The following PTPRN2 variants were observed in gnomAD, a reference collection of about 807,000 sequenced individuals.
PTPRN2 encodes receptor-type tyrosine-protein phosphatase N2.
Under a neutral mutation model 118.8 loss-of-function variants are expected in PTPRN2, and 74 were observed. The ratio of observed to expected loss-of-function variants is 0.62; its 90% confidence interval spans 0.52 to 0.76. The LOEUF (loss-of-function observed/expected upper bound fraction) is 0.76, where lower values mean the gene tolerates loss of function less well. PTPRN2 is among the 30% of genes least tolerant of loss of function. The probability of loss-of-function intolerance (pLI) is 0.00; values close to 1 mark genes in which losing one functional copy is unlikely to be tolerated. For synonymous variants in PTPRN2, 641 were observed against 608.0 expected (o/e 1.05, Z -0.80); for missense variants, 1,481 against 1,394.4 (o/e 1.06, Z -0.99).
chr7:158,169,176 C>A, intron 5 of PTPRN2, among the ~76,000 whole-genome samples: 1 of 152,302 alleles, frequency 6.6e-6, no homozygotes, highest in East Asian at 1.9e-4. Context: ...GGTTCATCCT[C>A]TGAGTTAGAT....
chr7:158,335,907 T>C (rs113044196), intron 2 of PTPRN2, among the ~76,000 whole-genome samples: 1 of 4,152 alleles, frequency 2.4e-4, no homozygotes, highest in Non-Finnish European at 4.1e-4. Flanking sequence ...CACCTGCAAA[T>C]GTCACTCACA....
chr7:158,136,195 T>C (rs1818794957), intron 8 of PTPRN2, among the ~76,000 whole-genome samples: 1 of 152,198 alleles, frequency 6.6e-6, no homozygotes, highest in Non-Finnish European at 1.5e-5. Flanking sequence ...GCACTGCATC[T>C]TTCATTTATT....
intron 2 of PTPRN2, among the ~76,000 whole-genome samples, chr7:158,459,532 C>T (rs996542054): frequency 5.9e-5 from 9 of 152,152 alleles, no homozygotes; most frequent in Non-Finnish European, 1.3e-4. Context: ...AACCCATGCA[C>T]GCCTCAGTCC....
chr7:157,749,294 C>T (rs1405494289), intron 12 of PTPRN2, among the ~76,000 whole-genome samples: 4 of 145,784 alleles, frequency 2.7e-5, no homozygotes, highest in Non-Finnish European at 6.0e-5. Context: ...GATTCTGAGG[C>T]CTGCGTCCCT....
chr7:158,475,838 C>T (rs945259989), intron 2 of PTPRN2, among the ~76,000 whole-genome samples: 27 of 152,166 alleles, frequency 1.8e-4, no homozygotes, highest in African/African-American at 4.1e-4. Flanking sequence ...GGCAGTCTCA[C>T]GGGGAAGAAG....
intron 12 of PTPRN2, among the ~76,000 whole-genome samples, chr7:157,795,169 G>A (rs1804790033): frequency 8.0e-6 from 1 of 125,280 alleles, no homozygotes; most frequent in African/African-American, 4.3e-5. Context: ...GTCGGGGGCG[G>A]GGGGGGCTCA....
intron 6 of PTPRN2, among the ~76,000 whole-genome samples, chr7:158,162,812 C>A (rs898034794): frequency 6.6e-6 from 1 of 152,116 alleles, no homozygotes; most frequent in African/African-American, 2.4e-5. Flanking sequence ...GCGTTCAGCC[C>A]GCAGCCTCGT....
chr7:157,569,022 A>T, intron 20 of PTPRN2, 56 bp from the exon 21 acceptor site: 4 of 1,471,970 alleles, frequency 2.7e-6, no homozygotes, highest in Non-Finnish European at 3.8e-6. Context: ...AGCCCGACCC[A>T]CAACAAAGCT....
chr7:157,628,101 T>C (rs1276267607), intron 14 of PTPRN2, among the ~76,000 whole-genome samples: 3 of 152,230 alleles, frequency 2.0e-5, no homozygotes, highest in Non-Finnish European at 4.4e-5. Context: ...GACTGGGTGC[T>C]GCTAGACGGG....
chr7:157,791,703 C>CA (rs1181842479), intron 12 of PTPRN2, among the ~76,000 whole-genome samples: 1 of 152,190 alleles, frequency 6.6e-6, no homozygotes, highest in East Asian at 1.9e-4. Flanking sequence ...CACTTGGCAA[C>CA]AAAAAAAGTT....
intron 14 of PTPRN2, among the ~76,000 whole-genome samples, chr7:157,636,489 T>A (rs1018770536): frequency 9.9e-5 from 15 of 152,264 alleles, no homozygotes; most frequent in Non-Finnish European, 1.5e-5. Context: ...ACAAGTCTAA[T>A]GAAAAATTAA....
chr7:158,216,495 T>C (rs932106976), intron 3 of PTPRN2, among the ~76,000 whole-genome samples: 2 of 151,986 alleles, frequency 1.3e-5, no homozygotes, highest in Admixed American at 6.5e-5. Context: ...TGATATAGGA[T>C]GGTTGAAAGT....
At chr7:157,897,163 A>C (rs1367379467) in intron 12 of PTPRN2, among the ~76,000 whole-genome samples, 1 of 152,152 alleles carries the variant, frequency 6.6e-6, no homozygotes, top group Non-Finnish European at 1.5e-5. Context: ...ATGACTTAGC[A>C]CCAACCACCA....
intron 11 of PTPRN2, among the ~76,000 whole-genome samples, chr7:158,008,013 A>T (rs1210252260): frequency 2.0e-5 from 2 of 102,006 alleles, no homozygotes; most frequent in Non-Finnish European, 1.9e-5. Context: ...TGCACGTGTG[A>T]GTGTGTGTGC....
At chr7:157,759,486 T>C (rs1057439422) in intron 12 of PTPRN2, among the ~76,000 whole-genome samples, 1 of 152,228 alleles carries the variant, frequency 6.6e-6, no homozygotes, top group African/African-American at 2.4e-5. Flanking sequence ...TGTCAGCTCC[T>C]TGTAAGCCCA....
intron 11 of PTPRN2, among the ~76,000 whole-genome samples, chr7:157,905,531 G>A (rs906524304): frequency 1.3e-5 from 2 of 152,222 alleles, no homozygotes; most frequent in Non-Finnish European, 2.9e-5. Context: ...CAAATTACCT[G>A]AAGAAGCGGA....
intron 11 of PTPRN2, among the ~76,000 whole-genome samples, chr7:158,041,440 C>G (rs938151003): frequency 1.6e-4 from 25 of 152,206 alleles, no homozygotes; most frequent in Admixed American, 2.6e-4. Context: ...GAGTTTGAGA[C>G]CATCCTGGCC....
intron 2 of PTPRN2, among the ~76,000 whole-genome samples, chr7:158,450,735 T>A (rs1410940878): frequency 6.6e-6 from 1 of 152,166 alleles, no homozygotes; most frequent in African/African-American, 2.4e-5. Context: ...AAAATAATCT[T>A]CCTCTCCTCC....
chr7:158,014,618 C>CCAT (rs1055334937), intron 11 of PTPRN2, among the ~76,000 whole-genome samples: 31 of 152,148 alleles, frequency 2.0e-4, no homozygotes, highest in African/African-American at 7.0e-4. Flanking sequence ...CATCCCTCAT[C>CCAT]CATCCACCCA....
Sources: allele counts gnomAD v4.1 joint callset (sites outside exome capture counted in the v4.1 genomes callset), GRCh38; gene constraint gnomAD v4.1.1; transcripts MANE v1.5; gene names NCBI Gene and HGNC (gene_info 2026-07-23, HGNC 2026-07-21).